Variants in MTPN observed in about 807,000 individuals in gnomAD.
MTPN encodes myotrophin.
MTPN carries 2 observed loss-of-function variants against 13.5 expected under a neutral mutation model. The ratio of observed to expected loss-of-function variants is 0.15; its 90% CI spans 0.06 to 0.47. The LOEUF (loss-of-function observed/expected upper bound fraction) is 0.47. Among genes scored for constraint, MTPN ranks in the 20% least tolerant of loss-of-function variants. The probability of loss-of-function intolerance (pLI) is 0.97; values close to 1 mark genes in which losing one functional copy is unlikely to be tolerated. For missense variants in MTPN, 79 were observed against 137.9 expected, an observed-to-expected ratio of 0.57 and a Z score of 2.14; for synonymous variants, 46 against 51.7, an observed-to-expected ratio of 0.89 and a Z score of 0.48.
At chr7:135,967,113 C>T (rs532299730) in intron 1 of MTPN, among the ~76,000 whole-genome samples, 18 of 152,200 alleles carry the variant, frequency 1.2e-4, no homozygotes, top group South Asian at 1.0e-3. Flanking sequence ...AAACTCATTT[C>T]AGCAGTTCAA....
At position 135,939,113 on chromosome 7, in the gene MTPN, A is replaced by C. The variant is rs542417533; in HGVS notation, c.271-9101T>G. ...TAGAAAATGAGGTGTCCAAGAGCGGAGGATCTGTTTACCTTGTTAACTCCT... is the reference window on the plus strand; with the variant it reads ...TAGAAAATGAGGTGTCCAAGAGCGGCGGATCTGTTTACCTTGTTAACTCCT... On this transcript the variant is annotated intron_variant, in intron 3 of 3. Coordinates refer to ENST00000393085, the MANE Select transcript of MTPN (RefSeq NM_145808.4). Among the ~76,000 whole-genome samples the C allele has an allele frequency of 6.6e-4, 101 of 152,300 alleles. 1 individual carries two copies. In the South Asian group the frequency reaches 0.02, roughly 31 times the overall value.
At chr7:135,974,994 G>C (rs2116418488) in intron 1 of MTPN, among the ~76,000 whole-genome samples, 1 of 152,270 alleles carries the variant, frequency 6.6e-6, no homozygotes, top group East Asian at 1.9e-4. Flanking sequence ...CTGTACATCA[G>C]ATTACATTAC....
intron 3 of MTPN, among the ~76,000 whole-genome samples, chr7:135,948,428 C>T (rs903352522): frequency 6.6e-6 from 1 of 152,078 alleles, no homozygotes; most frequent in East Asian, 1.9e-4. Flanking sequence ...AGTCAAGGTT[C>T]AGACACAAAA....
Position 135,927,469 on chromosome 7 carries a change from C to A in MTPN, c.*2457G>T, listed in dbSNP as rs760445256. The A allele has an allele frequency of 6.8e-4, 1,031 of 1,508,472 alleles. 1 individual carries two copies. The highest frequency in any genetic ancestry group is 8.7e-4 in the Non-Finnish European group (982 of 1,122,932). The allele number at this position is 1,508,472 out of a possible 1,614,324, so 93.4% of individuals were successfully genotyped here. A position where few individuals can be genotyped will look rare whatever the true frequency, so the allele number is the denominator to read the frequency against. On this transcript the variant is annotated 3_prime_UTR_variant, in exon 4 of 4. Coordinates refer to ENST00000393085, the MANE Select transcript of MTPN (RefSeq NM_145808.4). ...ATTTAATACAAAACTACAGAACATG[C>A]AAAATTTTTTCTGAGATGTTAAGTA...
At chr7:135,947,643 G>C (rs1330243929) in intron 3 of MTPN, among the ~76,000 whole-genome samples, 1 of 151,876 alleles carries the variant, frequency 6.6e-6, no homozygotes, top group Admixed American at 6.6e-5. Flanking sequence ...TAACTGACCT[G>C]ACAGTACTTC....
At chr7:135,963,616 CT>C (rs1799560392) in intron 1 of MTPN, among the ~76,000 whole-genome samples, 1 of 152,046 alleles carries the variant, frequency 6.6e-6, no homozygotes, top group Non-Finnish European at 1.5e-5. Context: ...GACATATTTT[CT>C]GAAATGTTAA....
chr7:135,967,834 C>A (rs2116404217), intron 1 of MTPN, among the ~76,000 whole-genome samples: 1 of 152,294 alleles, frequency 6.6e-6, no homozygotes, highest in East Asian at 1.9e-4. Context: ...CCTGGAAGAT[C>A]TAATTCCAAA....
At chr7:135,968,923 T>C (rs1799646818) in intron 1 of MTPN, among the ~76,000 whole-genome samples, 2 of 151,798 alleles carry the variant, frequency 1.3e-5, no homozygotes, top group Non-Finnish European at 2.9e-5. Context: ...CAGTTTGGTA[T>C]AGATAGAAAA....
chr7:135,948,271 T>G (rs1201316554), intron 3 of MTPN, among the ~76,000 whole-genome samples: 1 of 152,138 alleles, frequency 6.6e-6, no homozygotes, highest in Non-Finnish European at 1.5e-5. Flanking sequence ...ATCAAAGTAA[T>G]TAATTTTGAA....
chr7:135,948,915 T>TA (rs1459430170), intron 3 of MTPN, among the ~76,000 whole-genome samples: 10 of 151,050 alleles, frequency 6.6e-5, no homozygotes, highest in Admixed American at 1.3e-4. Context: ...CTTGGCTGGG[T>TA]AAAAAAAAGG....
At chr7:135,939,593 T>G (rs543194834) in intron 3 of MTPN, among the ~76,000 whole-genome samples, 690 of 3,984 alleles carry the variant, frequency 0.17, 1 homozygote, top group Non-Finnish European at 0.21. Flanking sequence ...GGGGGGCGGG[T>G]GCGTGGGGCG....
rs1798932043 is a variant in MTPN, at chr7:135,927,137, G to A, written c.*2789C>T. On this transcript the variant is annotated 3_prime_UTR_variant, in exon 4 of 4. Coordinates refer to ENST00000393085, the MANE Select transcript of MTPN (RefSeq NM_145808.4). ...AAACAGCAGCTCAACTGAAATATTA[G>A]AAAAAAAAATCAAACAGATACATAC... The A allele has an allele frequency of 1.7e-6, 1 of 577,000 alleles. No homozygotes were observed. The highest frequency in any genetic ancestry group is 2.8e-6 in the Non-Finnish European group (1 of 362,838). 35.7% of individuals were successfully genotyped at this position (577,000 alleles called of 1,614,324 possible).
At chr7:135,930,742 A>T (rs1799007591) in intron 3 of MTPN, among the ~76,000 whole-genome samples, 1 of 152,178 alleles carries the variant, frequency 6.6e-6, no homozygotes, top group Admixed American at 6.5e-5. Flanking sequence ...ACTGTACTCC[A>T]GCACTTGGAA....
chr7:135,949,165 C>A (rs558675532), intron 3 of MTPN, among the ~76,000 whole-genome samples: 3 of 152,298 alleles, frequency 2.0e-5, no homozygotes, highest in East Asian at 1.9e-4. Context: ...CCTGTCTGAG[C>A]TGGGTTCAGT....
intron 3 of MTPN, among the ~76,000 whole-genome samples, chr7:135,945,931 T>TA (rs1799281832): frequency 6.6e-6 from 1 of 152,194 alleles, no homozygotes; most frequent in African/African-American, 2.4e-5. Context: ...ATACCTATGA[T>TA]AAAGTTTAAT....
At chr7:135,933,098 C>CAA (rs56865854) in intron 3 of MTPN, among the ~76,000 whole-genome samples, 1,583 of 62,032 alleles carry the variant, frequency 0.026, 81 homozygotes, top group African/African-American at 0.076. Context: ...CACTCAGCCT[C>CAA]AAAAAAAAAA....
intron 3 of MTPN, chr7:135,932,304 C>G (rs1406222513): frequency 6.6e-6 from 1 of 152,116 alleles, no homozygotes; most frequent in African/African-American, 2.4e-5. Flanking sequence ...CAAGTTCCTG[C>G]TACCCAGAGC....
chr7:135,955,779 G>A (rs1799434178), intron 1 of MTPN, among the ~76,000 whole-genome samples: 1 of 151,724 alleles, frequency 6.6e-6, no homozygotes, highest in African/African-American at 2.4e-5. Context: ...CGAAAAGTCA[G>A]TGAATATAAT....
intron 1 of MTPN, among the ~76,000 whole-genome samples, chr7:135,972,811 C>T (rs1172463864): frequency 6.6e-6 from 1 of 151,624 alleles, no homozygotes; most frequent in Non-Finnish European, 1.5e-5. Context: ...AAAGGGCCAA[C>T]TCCTCATCGG....
Sources: allele counts gnomAD v4.1 joint callset (sites outside exome capture counted in the v4.1 genomes callset), GRCh38; gene constraint gnomAD v4.1.1; transcripts MANE v1.5; gene names NCBI Gene and HGNC (gene_info 2026-07-23, HGNC 2026-07-21).